Variants in WBP1 observed in about 807,000 individuals in gnomAD.
WBP1 encodes WW domain binding protein 1.
A neutral mutation model predicts 25.6 loss-of-function variants in WBP1; 18 were observed. That is an observed-to-expected ratio of 0.70 (90% CI 0.49 to 1.04). The LOEUF is 1.04. Ranked by LOEUF, WBP1 falls within the 50% of genes least tolerant of loss-of-function variation. The pLI is 0.00. For missense variants in WBP1, 330 were observed against 352.9 expected (o/e 0.94, Z 0.52); for synonymous variants, 122 against 137.7 (o/e 0.89, Z 0.80).
intron 1 of WBP1, chr2:74,459,174 C>G: frequency 4.0e-6 from 6 of 1,516,320 alleles, no homozygotes; most frequent in Non-Finnish European, 5.3e-6. Context: ...GTGGAAAGAT[C>G]CAGTTGCGGG....
rs575664650 is a variant in WBP1 at position 74,460,794 on chromosome 2, G to T, written c.*113G>T. 7.3e-5 allele frequency: 70 copies of T among 952,960 alleles called. No individual in the cohort carries two copies. In the African/African-American group the frequency reaches 1.0e-3, roughly 14 times the overall value. The allele number at this position is 952,960 out of a possible 1,614,324, so 59.0% of individuals were successfully genotyped here. Reference sequence around the variant, plus strand: ...ACCTAGAATCTGCCTGAAAGGGCTGGAGAGGGGCAGTATTGGGGGACTGTG... The same window carrying T: ...ACCTAGAATCTGCCTGAAAGGGCTGTAGAGGGGCAGTATTGGGGGACTGTG... On this transcript the variant is annotated 3_prime_UTR_variant, in exon 4 of 4. Coordinates refer to ENST00000233615, the MANE Select transcript of WBP1 (RefSeq NM_012477.4).
chr2:74,458,747 G>A, intron 1 of WBP1, 76 bp downstream of exon 1: 2 of 1,525,712 alleles, frequency 1.3e-6, no homozygotes, highest in South Asian at 1.2e-5. Flanking sequence ...CCTTTTGGGG[G>A]TGGGGGAGGA....
rs984078334 is a variant in WBP1, at chr2:74,458,524, C to T, written c.-79C>T. On this transcript the variant is annotated 5_prime_UTR_variant, in exon 1 of 4. Transcript: ENST00000233615. The stretch of plus-strand genomic sequence containing the variant: ...AAGATGGGCCGGGCAGGGACCATGG[C>T]GGTGGCAGCAGAGGTGGCAGGGGCG... The T allele has an allele frequency of 8.8e-5, 133 of 1,518,704 alleles. No homozygotes were observed. The highest frequency in any genetic ancestry group is 1.1e-4 in the Non-Finnish European group (127 of 1,127,092). 94.1% of individuals were successfully genotyped at this position (1,518,704 alleles called of 1,614,324 possible). A position where few individuals can be genotyped will look rare whatever the true frequency, so the allele number is the denominator to read the frequency against.
intron 1 of WBP1, chr2:74,459,240 A>G: frequency 9.0e-7 from 1 of 1,108,152 alleles, no homozygotes; most frequent in Non-Finnish European, 1.2e-6. Context: ...GAAATGACCT[A>G]CCGCTACCCG....
chr2:74,460,218 C>T lies in WBP1; in HGVS notation c.350-3C>T, dbSNP rs1171766238. 1 of 1,604,608 alleles carries T rather than the reference C, an allele frequency of 6.2e-7. No individual in the cohort carries two copies. The highest frequency in any genetic ancestry group is 2.2e-5 in the East Asian group (1 of 44,726). ...CCAATCATGCCAATTTTCTCCCCTGCAGGCTTCCTCAGCACCTTCAAGCCC... is the reference window on the plus strand; with the variant it reads ...CCAATCATGCCAATTTTCTCCCCTGTAGGCTTCCTCAGCACCTTCAAGCCC... On this transcript the variant is annotated splice_polypyrimidine_tract_variant and splice_region_variant and intron_variant, in intron 3 of 3. Transcript: ENST00000233615.
At position 74,460,369 on chromosome 2, in the gene WBP1, C is replaced by T. The variant is rs1294713498; in HGVS notation, c.498C>T (p.Ala166=). ...TCCSSSSSCP[A]HFEGTNVEGV... Reference sequence around the variant, plus strand: ...GTTCCTCCTCATCCAGCTGCCCTGCCCACTTTGAAGGAACAAATGTGGAAG... The same window carrying T: ...GTTCCTCCTCATCCAGCTGCCCTGCTCACTTTGAAGGAACAAATGTGGAAG... The change falls in exon 4 of 4, where the codon GCC becomes GCT. Residue 166 remains alanine (A), a synonymous_variant. Transcript: ENST00000233615. 2.5e-6 allele frequency: 4 copies of T among 1,614,004 alleles called. No individual in the cohort carries two copies. Among genetic ancestry groups the T allele is most frequent in the East Asian group, 2.2e-5 (1 of 44,868 alleles).
In WBP1 at chr2:74,458,627, G is replaced by T; in HGVS notation, c.25G>T (p.Gly9Cys). The T allele has an allele frequency of 1.3e-6, 2 of 1,566,770 alleles. No individual in the cohort carries two copies. The highest frequency in any genetic ancestry group is 1.7e-6 in the Non-Finnish European group (2 of 1,155,400). MARASSGNGSEEAWGALRA... is the reference protein window; with the variant it reads MARASSGNCSEEAWGALRA... ...TATGGCTCGGGCCAGCAGCGGGAAC[G>T]GCAGCGAGGAGGCCTGGGGGGCACT... Residue 9 changes from glycine (G) to cysteine (C), a missense_variant, in exon 1 of 4, where the codon GGC becomes TGC. By Grantham distance (159) the Gly-to-Cys change is radical (BLOSUM62 -3). Coordinates refer to ENST00000233615, the MANE Select transcript of WBP1 (RefSeq NM_012477.4).
At chr2:74,459,795 G>A in intron 2 of WBP1, 50 bp downstream of exon 2, 1 of 1,613,602 alleles carries the variant, frequency 6.2e-7, no homozygotes, top group African/African-American at 1.3e-5. Flanking sequence ...ACCCTCCCTT[G>A]GACCTCAGAA....
Position 74,460,248 on chromosome 2 carries a change from C to T in WBP1, c.377C>T (p.Ala126Val). Residue 126 changes from alanine (A) to valine (V), a missense_variant, in exon 4 of 4, where the codon GCC (alanine) becomes GTC (valine). Physicochemically the swap from Ala to Val is moderately conservative, Grantham distance 64. Coordinates refer to ENST00000233615, the MANE Select transcript of WBP1 (RefSeq NM_012477.4). ...LRFLSTFKPP[A>V]YEDVVHRPGT... ...TTCCTCAGCACCTTCAAGCCCCCAG[C>T]CTACGAGGATGTGGTTCACCGCCCA... The T allele has an allele frequency of 6.2e-7, 1 of 1,612,728 alleles. No individual in the cohort carries two copies. The highest frequency in any genetic ancestry group is 8.5e-7 in the Non-Finnish European group (1 of 1,178,990).
In WBP1 at chr2:74,459,690, G is replaced by A. The variant is rs775961992; in HGVS notation, c.117G>A (p.Glu39=). Residue 39 remains glutamate (E), a synonymous_variant, in exon 2 of 4, where the codon GAG becomes GAA. Coordinates refer to ENST00000233615, the MANE Select transcript of WBP1 (RefSeq NM_012477.4). ...PGVNNQPYLC[E]SGHCCGETGC... ...TGAACAACCAGCCCTACCTCTGTGA[G>A]AGTGGTCACTGCTGCGGGGAGACTG... 6.2e-7 allele frequency: 1 copy of A among 1,614,166 alleles called. No homozygotes were observed. The highest frequency in any genetic ancestry group is 1.3e-5 in the African/African-American group (1 of 75,052).
rs765325949 is a variant in WBP1, at chr2:74,460,290, C to A, written c.419C>A (p.Pro140His). ...CACCGCCCAGGCACACCACCCCCCC[C>A]TTATACTGTGGCCCCAGGCCGCCCC... is the stretch of plus-strand genomic sequence containing the variant. Reference protein sequence around the residue: ...VVHRPGTPPPPYTVAPGRPLT... With the variant: ...VVHRPGTPPPHYTVAPGRPLT... The change falls in exon 4 of 4, where the codon CCT (proline) becomes CAT (histidine). Residue 140 changes from proline (P) to histidine (H), a missense_variant. Physicochemically the swap from Pro to His is moderately conservative, Grantham distance 77. Transcript: ENST00000233615. 6.8e-6 allele frequency: 11 copies of A among 1,614,002 alleles called. No individual in the cohort carries two copies. Among genetic ancestry groups the A allele is most frequent in the African/African-American group, 1.3e-5 (1 of 74,922 alleles).
At position 74,459,729 on chromosome 2, in the gene WBP1, C is replaced by T. The variant is rs765325474; in HGVS notation, c.156C>T (p.Tyr52=). The T allele has an allele frequency of 6.8e-6, 11 of 1,614,084 alleles. No individual in the cohort carries two copies. In the African/African-American group the frequency reaches 1.1e-4, roughly 16 times the overall value. Residue 52 remains tyrosine, a synonymous_variant, in exon 2 of 4, where the codon TAC becomes TAT. Coordinates refer to ENST00000233615, the MANE Select transcript of WBP1 (RefSeq NM_012477.4). ...GCGGGGAGACTGGCTGCTGCACCTA[C>T]TACTATGAGCTCTGGTGTAAGTCTC... The part of the protein sequence containing the change: ...HCCGETGCCT[Y]YYELWWFWLL...
Position 74,460,034 on chromosome 2 carries a change from T to C in WBP1, c.334T>C (p.Ser112Pro). ...TGGGGCTGGTCCTTTCCCTACCGGT[T>C]CACTGCTTGACCTTCGTGAGTGACT... ...CHGAGPFPTG[S>P]LLDLRFLSTF... Residue 112 changes from serine (S) to proline (P), a missense_variant, in exon 3 of 4, where the codon TCA (serine) becomes CCA (proline). By Grantham distance (74) the Ser-to-Pro change is moderately conservative. Transcript: ENST00000233615. 1 of 1,613,644 alleles carries C rather than the reference T, an allele frequency of 6.2e-7. No homozygotes were observed. The highest frequency in any genetic ancestry group is 8.5e-7 in the Non-Finnish European group (1 of 1,179,590).
rs770326978 is a variant in WBP1 at position 74,459,688 on chromosome 2, G to A, written c.115G>A (p.Glu39Lys). 1 of 1,614,154 alleles carries A rather than the reference G, an allele frequency of 6.2e-7. No homozygotes were observed. The highest frequency in any genetic ancestry group is 1.1e-5 in the South Asian group (1 of 91,088). ...PGVNNQPYLC[E>K]SGHCCGETGC... ...AGTGAACAACCAGCCCTACCTCTGTGAGAGTGGTCACTGCTGCGGGGAGAC... is the reference window on the plus strand; with the variant it reads ...AGTGAACAACCAGCCCTACCTCTGTAAGAGTGGTCACTGCTGCGGGGAGAC... The change falls in exon 2 of 4, where the codon GAG becomes AAG. Residue 39 changes from glutamate (E) to lysine (K), a missense_variant. Transcript: ENST00000233615.
chr2:74,458,932 G>A, intron 1 of WBP1: 1 of 1,550,932 alleles, frequency 6.4e-7, no homozygotes, highest in Non-Finnish European at 8.7e-7. Flanking sequence ...GAGGTCCCAG[G>A]GAGGCTCCCT....
At chr2:74,459,335 TA>T in intron 1 of WBP1, 1 of 443,658 alleles carries the variant, frequency 2.3e-6, no homozygotes. Flanking sequence ...GGGATGGGGG[TA>T]GGGGGGTTGG....
intron 1 of WBP1, 157 bp downstream of exon 1, chr2:74,458,828 G>A: frequency 1.3e-6 from 2 of 1,537,590 alleles, no homozygotes; most frequent in Non-Finnish European, 1.8e-6. Flanking sequence ...ACTTTGTAAC[G>A]TAGATGCAGC....
In WBP1 at chr2:74,458,508, C is replaced by T. The variant is rs1215792074; in HGVS notation, c.-95C>T. The T allele has an allele frequency of 3.7e-5, 55 of 1,495,640 alleles. No homozygotes were observed. The highest frequency in any genetic ancestry group is 4.5e-5 in the Non-Finnish European group (50 of 1,116,216). The allele number at this position is 1,495,640 out of a possible 1,614,324, so 92.6% of individuals were successfully genotyped here. ...GATGGTGGCCTCAGCGAAGATGGGC[C>T]GGGCAGGGACCATGGCGGTGGCAGC... On this transcript the variant is annotated 5_prime_UTR_variant, in exon 1 of 4. Coordinates refer to ENST00000233615, the MANE Select transcript of WBP1 (RefSeq NM_012477.4).
rs959428814 is a variant in WBP1, at chr2:74,459,167, G to T, written c.70-476G>T. The T allele has an allele frequency of 8.5e-6, 13 of 1,520,712 alleles. No individual in the cohort carries two copies. The African/African-American group carries it at 1.8e-4, about 21-fold the overall frequency. 94.2% of individuals were successfully genotyped at this position (1,520,712 alleles called of 1,614,324 possible). On this transcript the variant is annotated intron_variant, in intron 1 of 3. Coordinates refer to ENST00000233615, the MANE Select transcript of WBP1 (RefSeq NM_012477.4). ...CTAGGGAGCCTGAGGCCCAGGGGTG[G>T]AAAGATCCAGTTGCGGGTGGGGGGT...
Sources: allele counts gnomAD v4.1 joint callset, GRCh38; gene constraint gnomAD v4.1.1; transcripts MANE v1.5; gene names NCBI Gene and HGNC (gene_info 2026-07-23, HGNC 2026-07-21).